CUEDC1: variants seen among roughly 807,000 people sequenced by gnomAD.
CUEDC1 encodes the protein CUE domain containing 1.
Under a neutral mutation model 43.7 loss-of-function variants are expected in CUEDC1, and 30 were observed. That is an observed-to-expected ratio of 0.69 (90% CI 0.51 to 0.93). The LOEUF (loss-of-function observed/expected upper bound fraction) is 0.93, where lower values mean the gene tolerates loss of function less well. Ranked by LOEUF, CUEDC1 falls within the 40% of genes least tolerant of loss-of-function variation. CUEDC1 has a pLI of 0.00. For synonymous variants in CUEDC1, 223 were observed against 223.6 expected (o/e 1.00, Z 0.02); for missense variants, 486 against 549.0 (o/e 0.89, Z 1.15).
At chr17:57,926,675 AAAC>A in intron 1 of CUEDC1, among the ~76,000 whole-genome samples, 1 of 152,344 alleles carries the variant, frequency 6.6e-6, no homozygotes, top group East Asian at 1.9e-4. Context: ...GTCAAATTCT[AAAC>A]AAATGGAAAG....
At position 57,885,423 on chromosome 17, in the gene CUEDC1, T is replaced by G. The variant is rs2074275306; in HGVS notation, c.142A>C (p.Asn48His). 1.0e-5 allele frequency: 16 copies of G among 1,605,082 alleles called. No individual in the cohort carries two copies. Among genetic ancestry groups the G allele is most frequent in the Middle Eastern group, 3.3e-4 (2 of 6,064 alleles). Reference protein sequence around the residue: ...PARQVRRLEFNQAMDDFKTMF... With the variant: ...PARQVRRLEFHQAMDDFKTMF... ...GTCTTGAAGTCGTCCATGGCCTGGT[T>G]GAACTCCAGGCGGCGCACCTGGCGG... Residue 48 changes from asparagine (N) to histidine (H), a missense_variant, in exon 2 of 11, where the codon AAC becomes CAC. Asn to His is a moderately conservative substitution (Grantham distance 68). Coordinates refer to ENST00000577830, the MANE Select transcript of CUEDC1 (RefSeq NM_001271875.2).
At chr17:57,945,432 A>G (rs1337476764) in intron 1 of CUEDC1, among the ~76,000 whole-genome samples, 1 of 152,220 alleles carries the variant, frequency 6.6e-6, no homozygotes, top group African/African-American at 2.4e-5. Context: ...GGTTAAGCCC[A>G]TTTCTTCTAG....
intron 10 of CUEDC1, among the ~76,000 whole-genome samples, chr17:57,866,138 A>G (rs1187598009): frequency 6.6e-6 from 1 of 152,046 alleles, no homozygotes; most frequent in Non-Finnish European, 1.5e-5. Context: ...TTCTTAAATC[A>G]TCCTCTCAGT....
intron 1 of CUEDC1, among the ~76,000 whole-genome samples, chr17:57,941,223 C>T (rs904234750): frequency 2.0e-5 from 3 of 152,240 alleles, no homozygotes; most frequent in African/African-American, 7.2e-5. Context: ...AATCATCTCC[C>T]TGTTTCATTT....
At chr17:57,884,151 G>A (rs1266672457) in intron 2 of CUEDC1, among the ~76,000 whole-genome samples, 1 of 150,516 alleles carries the variant, frequency 6.6e-6, no homozygotes, top group Non-Finnish European at 1.5e-5. Context: ...CTCCCTTTCC[G>A]TGGCTATGCT....
intron 1 of CUEDC1, among the ~76,000 whole-genome samples, chr17:57,934,880 G>T (rs567111296): frequency 6.6e-6 from 1 of 151,878 alleles, no homozygotes; most frequent in East Asian, 1.9e-4. Context: ...GCTAATTTTT[G>T]TATTTTTAAT....
chr17:57,892,129 C>A (rs1397517849), intron 1 of CUEDC1, among the ~76,000 whole-genome samples: 2 of 152,120 alleles, frequency 1.3e-5, no homozygotes, highest in East Asian at 1.9e-4. Flanking sequence ...TGGGAGGGGG[C>A]CTTTTCAGTT....
At chr17:57,881,984 G>A (rs1205602079) in intron 2 of CUEDC1, among the ~76,000 whole-genome samples, 3 of 152,150 alleles carry the variant, frequency 2.0e-5, no homozygotes, top group Non-Finnish European at 2.9e-5. Flanking sequence ...CACTGCCACC[G>A]CCACAAAGAG....
At chr17:57,866,645 C>A (rs568512243) in intron 9 of CUEDC1, 101 bp from the exon 10 acceptor site, 202 of 1,185,746 alleles carry the variant, frequency 1.7e-4, no homozygotes, top group Non-Finnish European at 2.1e-4. Flanking sequence ...TCTCTCTGCC[C>A]CCTTCATTTG....
At chr17:57,886,901 C>T (rs2144971272) in intron 1 of CUEDC1, among the ~76,000 whole-genome samples, 1 of 144,008 alleles carries the variant, frequency 6.9e-6, no homozygotes, top group Non-Finnish European at 1.5e-5. Context: ...TCACTGCAAA[C>T]TCCGCTTCCC....
intron 6 of CUEDC1, among the ~76,000 whole-genome samples, chr17:57,869,408 G>A (rs744930): frequency 1.3e-5 from 2 of 152,150 alleles, no homozygotes; most frequent in African/African-American, 4.8e-5. Context: ...AGGGTTCAGC[G>A]GTCTACTGTG....
Position 57,930,327 on chromosome 17 carries a change from C to T in CUEDC1, c.-316+24898G>A, listed in dbSNP as rs1039123619. 6.6e-6 allele frequency among the ~76,000 whole-genome samples: 1 copy of T among 152,208 alleles called. No individual in the cohort carries two copies. Among genetic ancestry groups the T allele is most frequent in the African/African-American group, 2.4e-5 (1 of 41,448 alleles). ...CTCCACCTGGCAAACAAGTCGGACTCCAGCAAAGGCTCACCAGTTAGCACT... is the reference window on the plus strand; with the variant it reads ...CTCCACCTGGCAAACAAGTCGGACTTCAGCAAAGGCTCACCAGTTAGCACT... On this transcript the variant is annotated intron_variant, in intron 1 of 10. Coordinates refer to ENST00000577830, the MANE Select transcript of CUEDC1 (RefSeq NM_001271875.2). This position sits in a 1 kb window ranked among gnomAD's most constrained non-coding sequence, Gnocchi z 4.2.
At chr17:57,953,029 A>C (rs967695740) in intron 1 of CUEDC1, among the ~76,000 whole-genome samples, 2 of 152,148 alleles carry the variant, frequency 1.3e-5, no homozygotes, top group African/African-American at 4.8e-5. Flanking sequence ...TGCCTTCAAG[A>C]GTCCAAAGGG....
intron 1 of CUEDC1, among the ~76,000 whole-genome samples, chr17:57,946,994 C>T (rs548946597): frequency 3.3e-5 from 5 of 152,096 alleles, no homozygotes; most frequent in Non-Finnish European, 7.4e-5. Context: ...CTGGAGCTCA[C>T]TAGCTCTCTC....
At chr17:57,910,370 G>T (rs1197580582) in intron 1 of CUEDC1, among the ~76,000 whole-genome samples, 1 of 152,010 alleles carries the variant, frequency 6.6e-6, no homozygotes. Context: ...TTTAAGCAAA[G>T]AATACAAGAT....
Position 57,904,485 on chromosome 17 carries a change from T to C in CUEDC1, c.-315-18606A>G, listed in dbSNP as rs547159915. Among the ~76,000 whole-genome samples, 5 of 152,012 alleles carry C rather than the reference T, an allele frequency of 3.3e-5. No individual in the cohort carries two copies. The South Asian group carries it at 1.0e-3, about 32-fold the overall frequency. On this transcript the variant is annotated intron_variant, in intron 1 of 10. Coordinates refer to ENST00000577830, the MANE Select transcript of CUEDC1 (RefSeq NM_001271875.2). Reference sequence around the variant, plus strand: ...GTCAATCAACGAGGAAAAATCTGTTTCTAAAAATGTAATGCAAACAACAAA... The same window carrying C: ...GTCAATCAACGAGGAAAAATCTGTTCCTAAAAATGTAATGCAAACAACAAA...
At chr17:57,864,400 G>A (rs985304399) in intron 10 of CUEDC1, among the ~76,000 whole-genome samples, 1 of 152,160 alleles carries the variant, frequency 6.6e-6, no homozygotes, top group African/African-American at 2.4e-5. Context: ...TTCGAAGAGG[G>A]TCAAGGGCAG....
At chr17:57,867,007 A>G (rs2073968514) in intron 9 of CUEDC1, 1 of 409,968 alleles carries the variant, frequency 2.4e-6, no homozygotes, top group East Asian at 4.5e-5. Context: ...GGGCCCACAG[A>G]CTGAAGCTGC....
intron 1 of CUEDC1, among the ~76,000 whole-genome samples, chr17:57,950,077 C>T (rs796103053): frequency 2.4e-4 from 37 of 152,264 alleles, no homozygotes; most frequent in African/African-American, 8.2e-4. Context: ...GGAAAGGGTC[C>T]GACCCCTCTG....
Sources: allele counts gnomAD v4.1 joint callset (sites outside exome capture counted in the v4.1 genomes callset), GRCh38; gene constraint gnomAD v4.1.1; non-coding constraint Gnocchi (gnomAD v3.1); transcripts MANE v1.5; gene names NCBI Gene and HGNC (gene_info 2026-07-23, HGNC 2026-07-21).